Variants in TMC6 observed in about 807,000 individuals in gnomAD.
TMC6 encodes the protein transmembrane channel-like protein 6.
TMC6 carries 71 observed loss-of-function variants against 95.4 expected under a neutral mutation model. That is an observed-to-expected ratio of 0.74 (90% CI 0.61 to 0.91). The LOEUF is 0.91. Ranked by LOEUF, TMC6 falls within the 40% of genes least tolerant of loss-of-function variation. The pLI is 0.00. For missense variants in TMC6, 1,074 were observed against 1,079.1 expected, an observed-to-expected ratio of 1.00 and a Z score of 0.07; for synonymous variants, 514 against 483.1, an observed-to-expected ratio of 1.06 and a Z score of -0.84.
Position 78,121,479 on chromosome 17 carries a change from G to A in TMC6, c.1383+77C>T. ...TGGGTGGAGGAGGAGAGGCAAGGCT[G>A]CCTCCCCAGGGGGCAGGTGCCCAGA... On this transcript the variant is annotated intron_variant, in intron 11 of 19. Transcript: ENST00000590602. The surrounding 1 kb of genome is among the most constrained non-coding windows in gnomAD (Gnocchi z 5.6). 6.2e-7 allele frequency: 1 copy of A among 1,600,588 alleles called. No homozygotes were observed.
At position 78,122,153 on chromosome 17, in the gene TMC6, G is replaced by A. The variant is rs1598855714; in HGVS notation, c.1228-442C>T. 6.6e-6 allele frequency among the ~76,000 whole-genome samples: 1 copy of A among 152,122 alleles called. No homozygotes were observed. Among genetic ancestry groups the A allele is most frequent in the African/African-American group, 2.4e-5 (1 of 41,416 alleles). ...CCCAGAAAGGCAGAGAATGTTCCAC[G>A]AGGCCCGGCTCTGCAGCCTCCTGGC... On this transcript the variant is annotated intron_variant, in intron 10 of 19. Transcript: ENST00000590602. This position sits in a 1 kb window ranked among gnomAD's most constrained non-coding sequence, Gnocchi z 4.9.
intron 1 of TMC6, chr17:78,127,146 A>C: frequency 1.9e-6 from 1 of 537,110 alleles, no homozygotes; most frequent in South Asian, 2.1e-5. Context: ...TGGGGTCTGC[A>C]GTTCCACATC....
intron 13 of TMC6, chr17:78,119,859 G>A: frequency 2.9e-6 from 1 of 340,784 alleles, no homozygotes; most frequent in Non-Finnish European, 5.6e-6. Context: ...TGTTGCCGAG[G>A]CTGGTCTCAA....
In TMC6 at chr17:78,121,913, C is replaced by T. The variant is rs947707933; in HGVS notation, c.1228-202G>A. 2.0e-5 allele frequency among the ~76,000 whole-genome samples: 3 copies of T among 152,102 alleles called. No individual in the cohort carries two copies. The highest frequency in any genetic ancestry group is 1.3e-4 in the Admixed American group (2 of 15,290). ...GCGCAGAGAGGACCCAGTCCCCCTG[C>T]CGAGAGGCCCCTGTGCCTGGGCTGG... On this transcript the variant is annotated intron_variant, in intron 10 of 19. Coordinates refer to ENST00000590602, the MANE Select transcript of TMC6 (RefSeq NM_001127198.5). The surrounding 1 kb of genome is among the most constrained non-coding windows in gnomAD (Gnocchi z 5.6).
chr17:78,116,834 T>A (rs561980928), intron 18 of TMC6, among the ~76,000 whole-genome samples: 5 of 152,278 alleles, frequency 3.3e-5, no homozygotes, highest in African/African-American at 1.2e-4. Flanking sequence ...CAGCTGAGAC[T>A]GTGCCACTGC....
rs62079070 is a variant in TMC6 at position 78,124,612 on chromosome 17, G to A, written c.803C>T (p.Ala268Val). The A allele has an allele frequency of 6.2e-7, 1 of 1,612,430 alleles. No homozygotes were observed. The highest frequency in any genetic ancestry group is 8.5e-7 in the Non-Finnish European group (1 of 1,179,812). The change falls in exon 8 of 20, where the codon GCC becomes GTC. Residue 268 changes from alanine (A) to valine (V), a missense_variant. Transcript: ENST00000590602. The stretch of plus-strand genomic sequence containing the variant: ...GGCGACCTGAGGGCCCATGATGAAG[G>A]CCACCAGCAGCAGCAGCAGGAGGGC... ...FNALLLLLLV[A>V]FIMGPQVAFP...
chr17:78,131,876 G>A, upstream of TMC6: 4 of 1,458,188 alleles, frequency 2.7e-6, no homozygotes, highest in South Asian at 1.4e-5. Context: ...CACCACCCCC[G>A]TCCAGGCAGC....
At chr17:78,132,249 T>A, upstream of TMC6, 1 of 1,439,348 alleles carries the variant, frequency 6.9e-7, no homozygotes. Flanking sequence ...CTCGGGCGGG[T>A]GGGAGCCTGG....
Position 78,117,909 on chromosome 17 carries a change from C to T in TMC6, c.1914G>A (p.Ala638=), listed in dbSNP as rs751492239. ...KKTSLLANCQ[A]PRRPWLASHM... is the part of the protein sequence containing the mutation. ...GTGAGGCCAGCCAGGGCCGGCGCGG[C>T]GCCTGGCAGTTGGCCAGAAGGCTGG... Residue 638 remains alanine, a synonymous_variant, in exon 16 of 20, where the codon GCG becomes GCA. Transcript: ENST00000590602. The T allele has an allele frequency of 1.4e-5, 23 of 1,603,884 alleles. No individual in the cohort carries two copies. Among genetic ancestry groups the T allele is most frequent in the African/African-American group, 1.1e-4 (8 of 74,902 alleles).
In TMC6 at chr17:78,110,984, G is replaced by A. The variant is rs2144798903; in HGVS notation, c.*2164C>T. The A allele has an allele frequency of 6.6e-6, 1 of 152,356 alleles. No individual in the cohort carries two copies. The highest frequency in any genetic ancestry group is 2.4e-5 in the African/African-American group (1 of 41,578). The allele number at this position is 152,356 out of a possible 1,614,324, so 9.4% of individuals were successfully genotyped here. On this transcript the variant is annotated 3_prime_UTR_variant, in exon 20 of 20. Coordinates refer to ENST00000590602, the MANE Select transcript of TMC6 (RefSeq NM_001127198.5). ...AGAGGACGGGCTCACCCAGCCGTGG[G>A]GCCGCGGGCTGGACATCCAGTGGGA...
At position 78,111,554 on chromosome 17, in the gene TMC6, A is replaced by T. The variant is rs2073824992; in HGVS notation, c.*1594T>A. 1 of 152,712 alleles carries T rather than the reference A, an allele frequency of 6.5e-6. No individual in the cohort carries two copies. Among genetic ancestry groups the T allele is most frequent in the South Asian group, 2.0e-4 (1 of 4,902 alleles). 9.5% of individuals were successfully genotyped at this position (152,712 alleles called of 1,614,324 possible). Reference sequence around the variant, plus strand: ...CACTCGCACCTGAAGATGCTGCCACAGTTGGCTGCCCAGAATCAGCACCAG... The same window carrying T: ...CACTCGCACCTGAAGATGCTGCCACTGTTGGCTGCCCAGAATCAGCACCAG... On this transcript the variant is annotated 3_prime_UTR_variant, in exon 20 of 20. Coordinates refer to ENST00000590602, the MANE Select transcript of TMC6 (RefSeq NM_001127198.5).
intron 1 of TMC6, 99 bp from the exon 2 acceptor site, chr17:78,127,005 G>A (rs2074753280): frequency 2.7e-6 from 2 of 746,962 alleles, no homozygotes; most frequent in Non-Finnish European, 4.6e-6. Flanking sequence ...GCCACTCACA[G>A]CCCAGACAGT....
intron 13 of TMC6, chr17:78,120,066 AT>A: frequency 8.1e-6 from 3 of 368,580 alleles, no homozygotes; most frequent in Non-Finnish European, 1.0e-5. Flanking sequence ...TACCTGGAAC[AT>A]TTTTTAAATG....
rs185154106 is a variant in TMC6, at chr17:78,119,476, G to A, written c.1716-84C>T. The A allele has an allele frequency of 1.1e-4, 156 of 1,375,700 alleles. No homozygotes were observed. The African/African-American group carries it at 1.9e-3, about 16-fold the overall frequency. 85.2% of individuals were successfully genotyped at this position (1,375,700 alleles called of 1,614,324 possible). On this transcript the variant is annotated intron_variant, in intron 13 of 19. Coordinates refer to ENST00000590602, the MANE Select transcript of TMC6 (RefSeq NM_001127198.5). ...GAGTCCCCACACCCAGAGGCACCCC[G>A]CCCCCAGCCAGGGGACATCCTGGCC...
In TMC6 at chr17:78,121,705, G is replaced by A. The variant is rs1401700115; in HGVS notation, c.1234C>T (p.Leu412=). The change falls in exon 11 of 20, where the codon CTG becomes TTG. Residue 412 remains leucine (L), a synonymous_variant. Coordinates refer to ENST00000590602, the MANE Select transcript of TMC6 (RefSeq NM_001127198.5). The surrounding 1 kb of genome is among the most constrained non-coding windows in gnomAD (Gnocchi z 5.6). The part of the protein sequence containing the change: ...DNIRTRLKEL[L]AEWQLRHSPR... The stretch of plus-strand genomic sequence containing the variant: ...CTGTGCCGCAGCTGCCACTCGGCCA[G>A]CAGCTCCTGCAGGCGGCACCGTGTC... 11 of 1,583,654 alleles carry A rather than the reference G, an allele frequency of 6.9e-6. No homozygotes were observed. Among genetic ancestry groups the A allele is most frequent in the Non-Finnish European group, 9.4e-6 (11 of 1,167,840 alleles).
chr17:78,109,791 G>A lies in TMC6; in HGVS notation c.*3357C>T. 1 of 346,626 alleles carries A rather than the reference G, an allele frequency of 2.9e-6. No individual in the cohort carries two copies. The highest frequency in any genetic ancestry group is 5.7e-6 in the Non-Finnish European group (1 of 174,714). The allele number at this position is 346,626 out of a possible 1,614,324, so 21.5% of individuals were successfully genotyped here. On this transcript the variant is annotated 3_prime_UTR_variant, in exon 20 of 20. Transcript: ENST00000590602. ...TTTAAGATAATTCACATCCGGCCAGGCATGGTGGCTCATGCCTGTAATCCC... is the reference window on the plus strand; with the variant it reads ...TTTAAGATAATTCACATCCGGCCAGACATGGTGGCTCATGCCTGTAATCCC...
rs1427185110 is a variant in TMC6, at chr17:78,117,488, G to A, written c.2178C>T (p.Phe726=). The A allele has an allele frequency of 1.2e-6, 2 of 1,609,502 alleles. No homozygotes were observed. The highest frequency in any genetic ancestry group is 2.0e-4 in the Middle Eastern group (1 of 4,906). The change falls in exon 17 of 20, where the codon TTC becomes TTT. Residue 726 remains phenylalanine, a synonymous_variant. Coordinates refer to ENST00000590602, the MANE Select transcript of TMC6 (RefSeq NM_001127198.5). Reference sequence around the variant, plus strand: ...CTCACAGCAGCAGGGCTGACACCAGGAAGACAAAGAAGGTGTTTTCCATCA... The same window carrying A: ...CTCACAGCAGCAGGGCTGACACCAGAAAGACAAAGAAGGTGTTTTCCATCA... ...RYLMENTFFV[F]LVSALLLAVI...
At position 78,124,871 on chromosome 17, in the gene TMC6, C is replaced by T. The variant is rs1173579029; in HGVS notation, c.633+18G>A. The T allele has an allele frequency of 6.3e-7, 1 of 1,591,578 alleles. No individual in the cohort carries two copies. The highest frequency in any genetic ancestry group is 8.5e-7 in the Non-Finnish European group (1 of 1,170,250). On this transcript the variant is annotated intron_variant, in intron 7 of 19. Coordinates refer to ENST00000590602, the MANE Select transcript of TMC6 (RefSeq NM_001127198.5). ...CTGCCCAGCCGCCCCAGCCCCAGGG[C>T]AGACCAGGGGCCCATACCAGCACGC...
Position 78,125,197 on chromosome 17 carries a change from C to T in TMC6, c.497G>A (p.Arg166His), listed in dbSNP as rs1038182778. 3.1e-6 allele frequency: 5 copies of T among 1,587,306 alleles called. No homozygotes were observed. In the African/African-American group the frequency reaches 5.4e-5, roughly 17 times the overall value. ...CTCAGCCAGGCTTAAGGGCATCCCG[C>T]GAAGCATGTGGTCCCGCTGTGCCAC... is the stretch of plus-strand genomic sequence containing the variant. ...LAVAQRDHML[R>H]GMPLSLAEKR... is the part of the protein sequence containing the mutation. The change falls in exon 6 of 20, where the codon CGC becomes CAC. Residue 166 changes from arginine to histidine, a missense_variant. Arg to His is a conservative substitution (Grantham distance 29). Coordinates refer to ENST00000590602, the MANE Select transcript of TMC6 (RefSeq NM_001127198.5).
Sources: gnomAD v4.1 joint callset for allele counts (sites outside exome capture counted in the v4.1 genomes callset) on GRCh38, gnomAD v4.1.1 for gene constraint, Gnocchi (gnomAD v3.1) non-coding constraint, MANE v1.5 for transcripts, NCBI Gene and HGNC (gene_info 2026-07-23, HGNC 2026-07-21) for gene names.